The following KLF12 variants were observed in gnomAD, a reference collection of about 807,000 sequenced individuals.
The protein encoded by KLF12 is Krueppel-like factor 12.
In KLF12, 9 loss-of-function variants were observed where a neutral mutation model predicts 37.8. The ratio of observed to expected loss-of-function variants is 0.24; its 90% CI spans 0.14 to 0.42. KLF12 has a LOEUF of 0.42. KLF12 is among the 10% of genes least tolerant of loss of function. The probability of loss-of-function intolerance (pLI) is 1.00; values close to 1 mark genes in which losing one functional copy is unlikely to be tolerated. For synonymous variants in KLF12, 208 were observed against 202.1 expected, an observed-to-expected ratio of 1.03 and a Z score of -0.25; for missense variants, 411 against 516.0, an observed-to-expected ratio of 0.80 and a Z score of 1.97.
intron 3 of KLF12, among the ~76,000 whole-genome samples, chr13:73,894,879 C>G (rs1378812271): frequency 6.6e-6 from 1 of 152,054 alleles, no homozygotes; most frequent in Admixed American, 6.5e-5. Context: ...TGAATTTTGT[C>G]AAATGTCAAA....
intron 1 of KLF12, among the ~76,000 whole-genome samples, chr13:74,035,581 A>G (rs1893225883): frequency 6.6e-6 from 1 of 152,236 alleles, no homozygotes; most frequent in East Asian, 1.9e-4. Context: ...GAAGCCAAAC[A>G]AAAAGCTGGT....
intron 5 of KLF12, among the ~76,000 whole-genome samples, chr13:73,789,020 G>A (rs1881509992): frequency 1.3e-5 from 2 of 152,106 alleles, no homozygotes; most frequent in African/African-American, 4.8e-5. Context: ...TCTGCAAGTT[G>A]TAACAGTTTG....
At chr13:74,125,835 A>G (rs1002576383) in intron 1 of KLF12, among the ~76,000 whole-genome samples, 3 of 152,208 alleles carry the variant, frequency 2.0e-5, no homozygotes, top group Non-Finnish European at 4.4e-5. Flanking sequence ...TATTTGTATA[A>G]TCCTTCCACT....
the KLF12 span, among the ~76,000 whole-genome samples, chr13:74,223,966 T>G: frequency 6.6e-6 from 1 of 152,204 alleles, no homozygotes; most frequent in Non-Finnish European, 1.5e-5. Context: ...ATCCATTCAT[T>G]TGCTAGAAGG....
At chr13:73,936,173 G>A (rs76334978) in intron 3 of KLF12, among the ~76,000 whole-genome samples, 12,073 of 152,086 alleles carry the variant, frequency 0.079, 654 homozygotes, top group Non-Finnish European at 0.12. Context: ...AATTTTGATC[G>A]GATGCCAGAC....
At chr13:74,268,706 T>G in the KLF12 span, among the ~76,000 whole-genome samples, 2 of 152,304 alleles carry the variant, frequency 1.3e-5, no homozygotes, top group South Asian at 2.1e-4. Context: ...TAGAAAATTT[T>G]ATGCTTTTCA....
At chr13:74,157,985 G>A in the KLF12 span, among the ~76,000 whole-genome samples, 2 of 152,288 alleles carry the variant, frequency 1.3e-5, no homozygotes, top group East Asian at 3.9e-4. Context: ...TGCTTCTGCT[G>A]CACTTCATTA....
chr13:74,269,189 G>A, the KLF12 span, among the ~76,000 whole-genome samples: 48 of 152,212 alleles, frequency 3.2e-4, no homozygotes, highest in African/African-American at 1.1e-3. Flanking sequence ...GATGGCAAAG[G>A]GGACATGAAA....
intron 2 of KLF12, among the ~76,000 whole-genome samples, chr13:73,978,179 AAAGAT>A (rs1891590665): frequency 6.6e-6 from 1 of 152,200 alleles, no homozygotes; most frequent in African/African-American, 2.4e-5. Context: ...AAGAGAATGA[AAAGAT>A]AAGTAACAGA....
At chr13:73,767,543 C>T (rs1271644101) in intron 5 of KLF12, among the ~76,000 whole-genome samples, 1 of 152,214 alleles carries the variant, frequency 6.6e-6, no homozygotes. Context: ...TGAATGTGCT[C>T]TTCTGAGACT....
intron 5 of KLF12, among the ~76,000 whole-genome samples, chr13:73,765,459 A>G (rs916109264): frequency 6.6e-6 from 1 of 152,206 alleles, no homozygotes; most frequent in Non-Finnish European, 1.5e-5. Flanking sequence ...AAACAACGTT[A>G]TTCAAATGTG....
rs562809335 is a variant in KLF12 at position 73,756,568 on chromosome 13, G to A, written c.869+8370C>T. 2.0e-5 allele frequency among the ~76,000 whole-genome samples: 3 copies of A among 152,324 alleles called. No homozygotes were observed. In the East Asian group the frequency reaches 5.8e-4, roughly 29 times the overall value. ...GTAAGGCATTACGACCTTATGGAAA[G>A]CGTTAAAGCTTGTCATGGAAAAGCT... On this transcript the variant is annotated intron_variant, in intron 6 of 7. Transcript: ENST00000377669.
chr13:73,843,543 G>A (rs187918063), intron 4 of KLF12, among the ~76,000 whole-genome samples: 5 of 152,072 alleles, frequency 3.3e-5, no homozygotes, highest in Admixed American at 6.6e-5. Flanking sequence ...TCCTGATCTC[G>A]TGATCTGCCC....
chr13:73,873,313 C>T (rs7339353), intron 3 of KLF12, among the ~76,000 whole-genome samples: 3,487 of 152,160 alleles, frequency 0.023, 141 homozygotes, highest in African/African-American at 0.077. Context: ...CCATGAATAT[C>T]ATCTGCCAGA....
intron 1 of KLF12, among the ~76,000 whole-genome samples, chr13:74,024,507 G>T (rs568478717): frequency 3.3e-4 from 51 of 152,280 alleles, no homozygotes; most frequent in African/African-American, 1.2e-3. Context: ...GCAGCAATCA[G>T]CTGGACCACT....
Position 73,694,220 on chromosome 13 carries a change from C to G in KLF12, c.*1270G>C, listed in dbSNP as rs1334603662. 1 of 152,516 alleles carries G rather than the reference C, an allele frequency of 6.6e-6. No individual in the cohort carries two copies. Among genetic ancestry groups the G allele is most frequent in the Non-Finnish European group, 1.5e-5 (1 of 68,034 alleles). 9.4% of individuals were successfully genotyped at this position (152,516 alleles called of 1,614,324 possible). A position where few individuals can be genotyped will look rare whatever the true frequency, so the allele number is the denominator to read the frequency against. On this transcript the variant is annotated 3_prime_UTR_variant, in exon 8 of 8. Coordinates refer to ENST00000377669, the MANE Select transcript of KLF12 (RefSeq NM_007249.5). ...TTCCAAGGAGAACTGACCCATTAACCGAAGAGTTAATTCCCGGCTATGCCT... is the reference window on the plus strand; with the variant it reads ...TTCCAAGGAGAACTGACCCATTAACGGAAGAGTTAATTCCCGGCTATGCCT...
intron 4 of KLF12, among the ~76,000 whole-genome samples, chr13:73,839,371 G>T (rs550606450): frequency 6.6e-4 from 100 of 151,476 alleles, no homozygotes; most frequent in African/African-American, 2.2e-3. Context: ...CCAAAGTGCT[G>T]GGAATACGGG....
intron 2 of KLF12, among the ~76,000 whole-genome samples, chr13:73,951,002 T>G (rs1401462425): frequency 6.6e-6 from 1 of 152,152 alleles, no homozygotes; most frequent in Non-Finnish European, 1.5e-5. Context: ...GGCACATGCT[T>G]GGACACAGAA....
intron 4 of KLF12, among the ~76,000 whole-genome samples, chr13:73,814,169 C>A (rs1286138002): frequency 6.6e-6 from 1 of 152,186 alleles, no homozygotes; most frequent in Non-Finnish European, 1.5e-5. Context: ...CTAGGCATAT[C>A]TTTTCAATGA....
Sources: gnomAD v4.1 joint callset for allele counts (sites outside exome capture counted in the v4.1 genomes callset) on GRCh38, gnomAD v4.1.1 for gene constraint, MANE v1.5 for transcripts, NCBI Gene and HGNC (gene_info 2026-07-23, HGNC 2026-07-21) for gene names.